Variants in LAMA1 observed in about 807,000 individuals in gnomAD.
The protein encoded by LAMA1 is laminin subunit alpha 1, also known as laminin subunit alpha-1.
A neutral mutation model predicts 348.7 loss-of-function variants in LAMA1; 219 were observed. The ratio of observed to expected loss-of-function variants is 0.63; its 90% confidence interval spans 0.56 to 0.70. The LOEUF is 0.70. Ranked by LOEUF, LAMA1 falls within the 30% of genes least tolerant of loss-of-function variation. The pLI is 0.00. For missense variants in LAMA1, 3,744 were observed against 3,888.0 expected, an observed-to-expected ratio of 0.96 and a Z score of 0.99; for synonymous variants, 1,487 against 1,491.0, an observed-to-expected ratio of 1.00 and a Z score of 0.06.
intron 46 of LAMA1, 92 bp from the exon 47 acceptor site, chr18:6,973,299 TC>T: frequency 8.2e-7 from 1 of 1,216,866 alleles, no homozygotes; most frequent in Non-Finnish European, 1.2e-6. Flanking sequence ...CATCTGCTTC[TC>T]CCCAAGGGCC....
chr18:7,003,593 C>A (rs867852896), intron 29 of LAMA1, among the ~76,000 whole-genome samples: 5 of 152,152 alleles, frequency 3.3e-5, no homozygotes, highest in Non-Finnish European at 7.3e-5. Context: ...AAAGAACAAG[C>A]AGTTCTTGCC....
chr18:6,978,898 A>G (rs1375309424), intron 42 of LAMA1, among the ~76,000 whole-genome samples: 1 of 152,218 alleles, frequency 6.6e-6, no homozygotes, highest in African/African-American at 2.4e-5. Flanking sequence ...CCATAGCATC[A>G]ACTGGCTGCT....
intron 1 of LAMA1, among the ~76,000 whole-genome samples, chr18:7,103,327 C>T (rs1045392505): frequency 2.0e-5 from 3 of 151,700 alleles, no homozygotes; most frequent in Admixed American, 6.6e-5. Context: ...ATGGTGTGAA[C>T]CCAGGAGGCG....
chr18:6,967,770 G>T (rs964340146), intron 48 of LAMA1, among the ~76,000 whole-genome samples: 1 of 151,982 alleles, frequency 6.6e-6, no homozygotes, highest in Non-Finnish European at 1.5e-5. Flanking sequence ...TTGGTCCTCA[G>T]TGCATGGCCC....
At chr18:7,011,922 G>T in intron 24 of LAMA1, 73 bp downstream of exon 24, 1 of 1,521,784 alleles carries the variant, frequency 6.6e-7, no homozygotes, top group Non-Finnish European at 8.9e-7. Flanking sequence ...ACACTTGGCT[G>T]TGTTTCCCAC....
intron 12 of LAMA1, among the ~76,000 whole-genome samples, chr18:7,037,056 T>C (rs2057998471): frequency 1.3e-5 from 2 of 152,210 alleles, no homozygotes; most frequent in Admixed American, 6.5e-5. Context: ...TTGCATTTTC[T>C]TGAAATATAA....
At chr18:6,980,697 A>C (rs1458206825) in intron 41 of LAMA1, 60 bp from the exon 42 acceptor site, 2 of 913,104 alleles carry the variant, frequency 2.2e-6, no homozygotes, top group African/African-American at 3.2e-5. Flanking sequence ...TTGCCTAGGC[A>C]ACAGCTTTAT....
chr18:6,981,572 C>T (rs1301148525), intron 41 of LAMA1, among the ~76,000 whole-genome samples: 1 of 152,192 alleles, frequency 6.6e-6, no homozygotes, highest in Non-Finnish European at 1.5e-5. Context: ...ATTTCACTAC[C>T]TATGAAGTAC....
At position 7,040,229 on chromosome 18, in the gene LAMA1, C is replaced by G; in HGVS notation, c.1269G>C (p.Gln423His). 6 of 1,614,082 alleles carry G rather than the reference C, an allele frequency of 3.7e-6. No individual in the cohort carries two copies. Among genetic ancestry groups the G allele is most frequent in the Non-Finnish European group, 5.1e-6 (6 of 1,180,014 alleles). ...CTTCCTTACATGGGCACTGACCTGG[C>G]TGCTTCCCTAGAAAGACAACAATGG... Reference protein sequence around the residue: ...DLHSDLHNGKQPGQCPCKEGY... With the variant: ...DLHSDLHNGKHPGQCPCKEGY... The change falls in exon 10 of 63, where the codon CAG becomes CAC. Residue 423 changes from glutamine (Q) to histidine (H), a missense_variant. Physicochemically the swap from Gln to His is conservative, Grantham distance 24. Around this residue, in one of 3 missense-constraint regions of LAMA1, gnomAD observed 1,529 missense variants for 1,689.4 expected, o/e 0.91. Coordinates refer to ENST00000389658, the MANE Select transcript of LAMA1 (RefSeq NM_005559.4).
intron 3 of LAMA1, among the ~76,000 whole-genome samples, chr18:7,052,913 G>A (rs781657576): frequency 2.1e-4 from 32 of 150,938 alleles, no homozygotes; most frequent in Non-Finnish European, 4.6e-4. Context: ...CCGACTACTC[G>A]GGAGGCTGAG....
intron 39 of LAMA1, among the ~76,000 whole-genome samples, chr18:6,983,577 C>T (rs1461282193): frequency 6.6e-6 from 1 of 152,192 alleles, no homozygotes; most frequent in Non-Finnish European, 1.5e-5. Flanking sequence ...GTCTAGGGCG[C>T]CACTGCATGC....
intron 3 of LAMA1, among the ~76,000 whole-genome samples, chr18:7,075,500 T>C (rs571022624): frequency 6.6e-6 from 1 of 151,998 alleles, no homozygotes; most frequent in African/African-American, 2.4e-5. Flanking sequence ...TGCATGCCTG[T>C]AATCCCAGCT....
intron 49 of LAMA1, chr18:6,965,684 G>C: frequency 1.9e-6 from 1 of 513,164 alleles, no homozygotes; most frequent in Non-Finnish European, 3.5e-6. Flanking sequence ...GAATCTCCTC[G>C]TATCTTTTTC....
At chr18:7,053,776 G>A (rs1009001779) in intron 3 of LAMA1, among the ~76,000 whole-genome samples, 3 of 139,216 alleles carry the variant, frequency 2.2e-5, no homozygotes, top group Admixed American at 7.1e-5. Flanking sequence ...TCCCTCATTA[G>A]AGGATTTTTT....
chr18:7,100,223 C>T (rs146592615), intron 1 of LAMA1, among the ~76,000 whole-genome samples: 6 of 152,218 alleles, frequency 3.9e-5, no homozygotes, highest in African/African-American at 1.4e-4. Flanking sequence ...AGACATTTCA[C>T]CAAAGATATA....
At chr18:6,972,750 C>T (rs549881419) in intron 47 of LAMA1, among the ~76,000 whole-genome samples, 24 of 152,152 alleles carry the variant, frequency 1.6e-4, no homozygotes, top group Non-Finnish European at 2.9e-4. Context: ...AGTGCAATGG[C>T]GCGATCTCAG....
intron 1 of LAMA1, among the ~76,000 whole-genome samples, chr18:7,107,931 G>A (rs183371716): frequency 2.0e-5 from 3 of 150,364 alleles, no homozygotes; most frequent in East Asian, 2.0e-4. Flanking sequence ...GGAGAATGGC[G>A]TGAATCTGGG....
chr18:6,971,062 T>A (rs1457049037), intron 48 of LAMA1, among the ~76,000 whole-genome samples: 2 of 152,224 alleles, frequency 1.3e-5, no homozygotes, highest in Non-Finnish European at 2.9e-5. Flanking sequence ...ATTGCAGATA[T>A]CCATCTGGAC....
rs1450282584 is a variant in LAMA1 at position 6,959,346 on chromosome 18, A to T, written c.7773T>A (p.Asn2591Lys). The T allele has an allele frequency of 6.2e-7, 1 of 1,613,966 alleles. No individual in the cohort carries two copies. The highest frequency in any genetic ancestry group is 8.5e-7 in the Non-Finnish European group (1 of 1,180,030). The change falls in exon 54 of 63, where the codon AAT becomes AAA. Residue 2591 changes from asparagine (N) to lysine (K), a missense_variant. This residue lies in a region of LAMA1 where 1,983 missense variants were observed against 1,934.3 expected (regional missense o/e 1.03). Coordinates refer to ENST00000389658, the MANE Select transcript of LAMA1 (RefSeq NM_005559.4). ...GQAHSISLVR[N>K]RRIITVQLDE... ...GCCTGGCCGCGTGCAAGTACCTCCGATTCCTGACCAAGGAGATGGAATGCG... is the reference window on the plus strand; with the variant it reads ...GCCTGGCCGCGTGCAAGTACCTCCGTTTCCTGACCAAGGAGATGGAATGCG...
Sources: gnomAD v4.1 joint callset for allele counts (sites outside exome capture counted in the v4.1 genomes callset) on GRCh38, gnomAD v4.1.1 for gene constraint, gnomAD v4.1.1 regional missense constraint, MANE v1.5 for transcripts, NCBI Gene and HGNC (gene_info 2026-07-23, HGNC 2026-07-21) for gene names.